MAF: variants seen among roughly 807,000 people sequenced by gnomAD.
MAF encodes MAF bZIP transcription factor.
In MAF, 10 loss-of-function variants were observed where a neutral mutation model predicts 22.0. That is an observed-to-expected ratio of 0.45 (90% confidence interval 0.28 to 0.77). The LOEUF (loss-of-function observed/expected upper bound fraction) is 0.77, where lower values mean the gene tolerates loss of function less well. MAF is among the 30% of genes least tolerant of loss of function. MAF has a pLI of 0.12. For missense variants in MAF, 544 were observed against 548.4 expected (o/e 0.99, Z 0.08); for synonymous variants, 337 against 255.8 (o/e 1.32, Z -3.03).
At chr16:79,220,122 G>C in the MAF span, among the ~76,000 whole-genome samples, 1 of 151,974 alleles carries the variant, frequency 6.6e-6, no homozygotes, top group Admixed American at 6.6e-5. Flanking sequence ...CGGGTGTGGT[G>C]GTGGGCACCT....
the MAF span, chr16:79,212,653 CAT>C: frequency 6.7e-6 from 1 of 148,938 alleles, no homozygotes; most frequent in Non-Finnish European, 1.5e-5. Flanking sequence ...AATAAAAGAA[CAT>C]GCTTGAATAT....
the MAF span, among the ~76,000 whole-genome samples, chr16:79,377,721 G>C: frequency 6.6e-6 from 1 of 152,162 alleles, no homozygotes; most frequent in Non-Finnish European, 1.5e-5. Flanking sequence ...GTAAGGAAGA[G>C]GTCGAGTTTC....
the MAF span, among the ~76,000 whole-genome samples, chr16:79,405,745 C>T: frequency 6.6e-6 from 1 of 152,172 alleles, no homozygotes; most frequent in African/African-American, 2.4e-5. Flanking sequence ...AACTAATAGT[C>T]ACTGAGCTCT....
the MAF span, among the ~76,000 whole-genome samples, chr16:79,336,750 C>A: frequency 6.6e-6 from 1 of 152,174 alleles, no homozygotes; most frequent in Non-Finnish European, 1.5e-5. Flanking sequence ...ATGAGTCATG[C>A]ATTTTGCATT....
the MAF span, among the ~76,000 whole-genome samples, chr16:79,444,058 G>A: frequency 6.6e-6 from 1 of 152,110 alleles, no homozygotes; most frequent in African/African-American, 2.4e-5. Flanking sequence ...GTGTTAGTCT[G>A]TAAACCATCA....
the MAF span, among the ~76,000 whole-genome samples, chr16:79,526,830 C>A: frequency 6.9e-6 from 1 of 145,804 alleles, no homozygotes; most frequent in African/African-American, 2.4e-5. Context: ...TTCAATATTA[C>A]GATACATGCA....
the MAF span, among the ~76,000 whole-genome samples, chr16:79,331,598 C>A: frequency 4.4e-4 from 67 of 152,316 alleles, 2 homozygotes; most frequent in East Asian, 2.3e-3. Context: ...CATAGTCATA[C>A]CTTCTACCCG....
At chr16:79,424,329 G>A in the MAF span, among the ~76,000 whole-genome samples, 4 of 152,288 alleles carry the variant, frequency 2.6e-5, no homozygotes, top group Admixed American at 6.5e-5. Context: ...ACTGGAATTC[G>A]AATTCAATAC....
chr16:79,212,575 T>TCA, the MAF span: 1 of 163,856 alleles, frequency 6.1e-6, no homozygotes, highest in Non-Finnish European at 1.4e-5. Flanking sequence ...TGTCTGTCAA[T>TCA]CACAGTCTCA....
chr16:79,235,897 C>T, the MAF span, among the ~76,000 whole-genome samples: 7 of 152,104 alleles, frequency 4.6e-5, no homozygotes, highest in African/African-American at 1.7e-4. Context: ...CAAGAAGCAT[C>T]CTCTCCCATC....
intron 1 of MAF, among the ~76,000 whole-genome samples, chr16:79,587,074 A>G (rs1183840126): frequency 6.6e-6 from 1 of 152,192 alleles, no homozygotes; most frequent in Admixed American, 6.5e-5. Context: ...CATTCCACAT[A>G]ACCCTCTAAT....
At chr16:79,207,344 A>G in the MAF span, among the ~76,000 whole-genome samples, 1 of 152,230 alleles carries the variant, frequency 6.6e-6, no homozygotes, top group African/African-American at 2.4e-5. Flanking sequence ...CTTTCCTTTT[A>G]GCCAAACCTG....
chr16:79,465,459 G>A, the MAF span, among the ~76,000 whole-genome samples: 4 of 152,198 alleles, frequency 2.6e-5, no homozygotes, highest in South Asian at 8.3e-4. Flanking sequence ...TGGGTGTGGT[G>A]ATGTGTGCCT....
At chr16:79,327,559 G>C in the MAF span, among the ~76,000 whole-genome samples, 2 of 152,312 alleles carry the variant, frequency 1.3e-5, no homozygotes, top group Non-Finnish European at 2.9e-5. Context: ...GGAAAAACTT[G>C]CTATAGGTGA....
At chr16:79,318,275 G>T in the MAF span, among the ~76,000 whole-genome samples, 1 of 152,134 alleles carries the variant, frequency 6.6e-6, no homozygotes, top group Non-Finnish European at 1.5e-5. Context: ...GGCTCTGCTT[G>T]AGAGCATTGT....
At chr16:79,528,844 T>C in the MAF span, among the ~76,000 whole-genome samples, 1 of 152,172 alleles carries the variant, frequency 6.6e-6, no homozygotes, top group Non-Finnish European at 1.5e-5. Context: ...CTCAGAAATG[T>C]GGAGATTTCT....
chr16:79,267,653 T>C, the MAF span, among the ~76,000 whole-genome samples: 4 of 152,324 alleles, frequency 2.6e-5, no homozygotes, highest in African/African-American at 9.6e-5. Flanking sequence ...TTCAGTCTTT[T>C]GGGCAAGACA....
chr16:79,561,767 C>T, the MAF span, among the ~76,000 whole-genome samples: 5 of 152,152 alleles, frequency 3.3e-5, no homozygotes, highest in Non-Finnish European at 7.3e-5. Context: ...CACACACTTC[C>T]GAATGAAACT....
At chr16:79,320,300 G>T in the MAF span, among the ~76,000 whole-genome samples, 1 of 152,188 alleles carries the variant, frequency 6.6e-6, no homozygotes, top group South Asian at 2.1e-4. Context: ...GGAGAAAGCT[G>T]CTCCCATTCT....
Sources: allele counts gnomAD v4.1 joint callset (sites outside exome capture counted in the v4.1 genomes callset), GRCh38; gene constraint gnomAD v4.1.1; transcripts MANE v1.5; gene names NCBI Gene and HGNC (gene_info 2026-07-23, HGNC 2026-07-21).